TMC1: variants seen among roughly 807,000 people sequenced by gnomAD.
The protein encoded by TMC1 is transmembrane channel like 1.
In TMC1, 84 loss-of-function variants were observed where a neutral mutation model predicts 105.8. The ratio of observed to expected loss-of-function variants is 0.79; its 90% CI spans 0.67 to 0.95. The LOEUF is 0.95. TMC1 is among the 40% of genes least tolerant of loss of function. The pLI, the probability that TMC1 is intolerant of heterozygous loss-of-function variation, is 0.00. For missense variants in TMC1, 817 were observed against 914.1 expected, an observed-to-expected ratio of 0.89 and a Z score of 1.37; for synonymous variants, 315 against 311.5, an observed-to-expected ratio of 1.01 and a Z score of -0.12.
chr9:72,645,020 A>G (rs1223217952), intron 4 of TMC1, among the ~76,000 whole-genome samples: 4 of 152,206 alleles, frequency 2.6e-5, no homozygotes, highest in South Asian at 4.1e-4. Flanking sequence ...TGAAAAATTT[A>G]TGGGGAAAAT....
At chr9:72,755,132 A>AAGAC (rs1164296057) in intron 12 of TMC1, among the ~76,000 whole-genome samples, 1 of 151,872 alleles carries the variant, frequency 6.6e-6, no homozygotes, top group African/African-American at 2.4e-5. Flanking sequence ...GAAAGAAAGA[A>AAGAC]AGAAACATGT....
At chr9:72,529,588 T>C (rs1823463864) in intron 1 of TMC1, among the ~76,000 whole-genome samples, 1 of 151,968 alleles carries the variant, frequency 6.6e-6, no homozygotes, top group Non-Finnish European at 1.5e-5. Flanking sequence ...CTGTATTAGT[T>C]AAGACAAAAA....
Position 72,834,154 on chromosome 9 carries a change from T to C in TMC1, c.2261-1797T>C, listed in dbSNP as rs185316900. Among the ~76,000 whole-genome samples the C allele has an allele frequency of 1.0e-3, 155 of 152,326 alleles. 1 individual carries two copies. The highest frequency in any genetic ancestry group is 3.7e-3 in the African/African-American group (152 of 41,582). The stretch of plus-strand genomic sequence containing the variant: ...ACATTTCTCTTGGCCTTTTCACTTT[T>C]GCTATCATAATTTTAGTTTCTGCAA... On this transcript the variant is annotated intron_variant, in intron 23 of 23. Transcript: ENST00000297784.
chr9:72,664,873 G>A (rs768200750), intron 5 of TMC1, among the ~76,000 whole-genome samples: 8 of 152,160 alleles, frequency 5.3e-5, no homozygotes, highest in East Asian at 1.9e-4. Context: ...TGCGGATGGC[G>A]GAGCTAAAAG....
At chr9:72,576,235 G>A (rs1824377407) in intron 1 of TMC1, among the ~76,000 whole-genome samples, 1 of 152,164 alleles carries the variant, frequency 6.6e-6, no homozygotes, top group African/African-American at 2.4e-5. Flanking sequence ...TTTAACAACT[G>A]TATTAGTTGG....
intron 8 of TMC1, among the ~76,000 whole-genome samples, chr9:72,706,580 C>T (rs1826742620): frequency 6.6e-6 from 1 of 152,108 alleles, no homozygotes; most frequent in African/African-American, 2.4e-5. Flanking sequence ...CCCAATCCCA[C>T]CCTTTCCCCA....
intron 2 of TMC1, among the ~76,000 whole-genome samples, chr9:72,583,267 AG>A (rs1383626131): frequency 4.6e-5 from 7 of 152,144 alleles, no homozygotes; most frequent in Non-Finnish European, 8.8e-5. Context: ...CCTCCACGAA[AG>A]AAAACCCCAA....
intron 21 of TMC1, 88 bp downstream of exon 21, chr9:72,827,082 T>G: frequency 3.9e-6 from 6 of 1,550,694 alleles, no homozygotes; most frequent in Non-Finnish European, 4.4e-6. Flanking sequence ...TCTCTCACTC[T>G]CCCTAAGGGT....
At chr9:72,629,926 C>T (rs902573104) in intron 4 of TMC1, among the ~76,000 whole-genome samples, 6 of 151,976 alleles carry the variant, frequency 3.9e-5, no homozygotes, top group African/African-American at 9.7e-5. Flanking sequence ...AGTGCAATGG[C>T]GTGATCTTGG....
intron 3 of TMC1, among the ~76,000 whole-genome samples, chr9:72,621,776 G>A (rs1825254328): frequency 6.6e-6 from 1 of 151,698 alleles, no homozygotes; most frequent in Non-Finnish European, 1.5e-5. Context: ...CTCTCCTCGG[G>A]TGAACATAAA....
intron 8 of TMC1, among the ~76,000 whole-genome samples, chr9:72,722,045 G>A (rs1827035956): frequency 6.6e-6 from 1 of 152,158 alleles, no homozygotes; most frequent in African/African-American, 2.4e-5. Context: ...AGGTTTTGGA[G>A]AGGGACAAAA....
At chr9:72,653,062 C>T (rs185985687) in intron 5 of TMC1, among the ~76,000 whole-genome samples, 38 of 152,194 alleles carry the variant, frequency 2.5e-4, no homozygotes, top group African/African-American at 9.2e-4. Context: ...ATTTATATAT[C>T]AATGTGTTGG....
At chr9:72,748,878 G>T (rs896286400) in intron 10 of TMC1, among the ~76,000 whole-genome samples, 3 of 152,092 alleles carry the variant, frequency 2.0e-5, no homozygotes, top group African/African-American at 7.2e-5. Context: ...GGATTTCTTA[G>T]TCTCTTCCAC....
intron 2 of TMC1, among the ~76,000 whole-genome samples, chr9:72,596,629 C>A (rs1476963191): frequency 6.6e-6 from 1 of 151,670 alleles, no homozygotes; most frequent in Admixed American, 6.6e-5. Context: ...TGGTCAAAGC[C>A]TCTTAGTGTA....
intron 1 of TMC1, among the ~76,000 whole-genome samples, chr9:72,543,061 AAAAG>A (rs1195001805): frequency 1.3e-5 from 2 of 152,144 alleles, no homozygotes; most frequent in African/African-American, 4.8e-5. Context: ...TTTTTTTAAA[AAAAG>A]AAGGTGTCAT....
At chr9:72,528,869 C>G (rs1230269949) in intron 1 of TMC1, among the ~76,000 whole-genome samples, 1 of 151,962 alleles carries the variant, frequency 6.6e-6, no homozygotes, top group Non-Finnish European at 1.5e-5. Context: ...TAGACAAATA[C>G]AGTTGACCCT....
chr9:72,751,028 C>G (rs1437965861), intron 10 of TMC1, among the ~76,000 whole-genome samples: 2 of 152,148 alleles, frequency 1.3e-5, no homozygotes, highest in Non-Finnish European at 2.9e-5. Flanking sequence ...ACAAAACTTT[C>G]TAAAGCTACC....
At chr9:72,829,976 T>G (rs1829014993) in intron 21 of TMC1, among the ~76,000 whole-genome samples, 1 of 152,226 alleles carries the variant, frequency 6.6e-6, no homozygotes, top group South Asian at 2.1e-4. Flanking sequence ...TATCTATGCC[T>G]ATGAGGATTA....
chr9:72,780,836 C>G (rs1348776161), intron 13 of TMC1, among the ~76,000 whole-genome samples: 2 of 152,142 alleles, frequency 1.3e-5, no homozygotes, highest in Non-Finnish European at 2.9e-5. Flanking sequence ...TCTTGACCCA[C>G]AAAAAGACTT....
Sources: allele counts gnomAD v4.1 joint callset (sites outside exome capture counted in the v4.1 genomes callset), GRCh38; gene constraint gnomAD v4.1.1; transcripts MANE v1.5; gene names NCBI Gene and HGNC (gene_info 2026-07-23, HGNC 2026-07-21).